RDX: variants seen among roughly 807,000 people sequenced by gnomAD.
The protein encoded by RDX is radixin.
In RDX, 32 loss-of-function variants were observed where a neutral mutation model predicts 83.7. The observed-to-expected ratio is 0.38, with a 90% CI of 0.29 to 0.51. The LOEUF (loss-of-function observed/expected upper bound fraction) is 0.51, where lower values mean the gene tolerates loss of function less well. Ranked by LOEUF, RDX falls within the 20% of genes least tolerant of loss-of-function variation. The pLI is 0.87. For missense variants in RDX, 600 were observed against 689.9 expected, an observed-to-expected ratio of 0.87 and a Z score of 1.46; for synonymous variants, 229 against 222.7, an observed-to-expected ratio of 1.03 and a Z score of -0.25.
At chr11:110,185,409 GA>G (rs1190688030) in intron 15 of RDX, 1 of 152,222 alleles carries the variant, frequency 6.6e-6, no homozygotes, top group African/African-American at 2.4e-5. Context: ...AACAATAACA[GA>G]ATGCCTTCTC....
At position 110,268,003 on chromosome 11, in the gene RDX, G is replaced by A. The variant is rs151261394; in HGVS notation, c.97-3129C>T. Among the ~76,000 whole-genome samples the A allele has an allele frequency of 2.2e-3, 333 of 151,868 alleles. 2 individuals carry two copies. Among genetic ancestry groups the A allele is most frequent in the Non-Finnish European group, 3.7e-3 (251 of 67,908 alleles). ...AATAAGAAAAAAGCATTTAGAAAATGTTACCATCAAAAAAGCAAAAAGTGG... is the reference window on the plus strand; with the variant it reads ...AATAAGAAAAAAGCATTTAGAAAATATTACCATCAAAAAAGCAAAAAGTGG... On this transcript the variant is annotated intron_variant, in intron 3 of 13. Transcript: ENST00000645495.
At chr11:110,250,950 AT>A (rs1859312017) in intron 9 of RDX, among the ~76,000 whole-genome samples, 2 of 152,078 alleles carry the variant, frequency 1.3e-5, no homozygotes, top group Admixed American at 6.6e-5. Context: ...ATGAAACCAG[AT>A]CTTGCTGCTC....
downstream of RDX, among the ~76,000 whole-genome samples, chr11:110,226,275 A>G (rs190804791): frequency 6.6e-6 from 1 of 152,326 alleles, no homozygotes; most frequent in East Asian, 1.9e-4. Context: ...GTATATGCAT[A>G]CAATGGAATA....
intron 5 of RDX, 26 bp from the exon 6 acceptor site, chr11:110,258,215 ATT>A: frequency 7.3e-6 from 10 of 1,367,938 alleles, no homozygotes; most frequent in Non-Finnish European, 1.0e-5. Context: ...AAAAAAAAAA[ATT>A]ATAATGACTT....
At position 110,277,078 on chromosome 11, in the gene RDX, C is replaced by T. The variant is rs563352419; in HGVS notation, c.12+2603G>A. Reference sequence around the variant, plus strand: ...ACTTATCTAGCTTCAAGAGTGTTTTCTCCACAAGGCAAGTTCTATACTTCC... The same window carrying T: ...ACTTATCTAGCTTCAAGAGTGTTTTTTCCACAAGGCAAGTTCTATACTTCC... On this transcript the variant is annotated intron_variant, in intron 2 of 13. Transcript: ENST00000645495. Among the ~76,000 whole-genome samples the T allele has an allele frequency of 3.9e-4, 59 of 152,318 alleles. 1 individual carries two copies. In the South Asian group the frequency reaches 0.011, roughly 29 times the overall value.
intron 14 of RDX, among the ~76,000 whole-genome samples, chr11:110,219,460 A>G (rs1367650620): frequency 6.6e-6 from 1 of 152,236 alleles, no homozygotes; most frequent in East Asian, 1.9e-4. Flanking sequence ...AAGATCTTAA[A>G]AGACTGTAAA....
chr11:110,217,328 T>C (rs1467421140), intron 14 of RDX, among the ~76,000 whole-genome samples: 1 of 152,192 alleles, frequency 6.6e-6, no homozygotes, highest in Non-Finnish European at 1.5e-5. Context: ...TATTAATTAT[T>C]CTGTTTTCCA....
intron 14 of RDX, among the ~76,000 whole-genome samples, chr11:110,202,758 T>C (rs146028645): frequency 2.0e-5 from 3 of 151,888 alleles, no homozygotes; most frequent in African/African-American, 4.8e-5. Flanking sequence ...GACATACAAA[T>C]GGCAGCAGAT....
chr11:110,184,292 T>C (rs1328585297), intron 15 of RDX, among the ~76,000 whole-genome samples: 7 of 152,206 alleles, frequency 4.6e-5, no homozygotes, highest in East Asian at 1.9e-4. Flanking sequence ...CCATGAAATA[T>C]TGGCAGAAGA....
intron 15 of RDX, among the ~76,000 whole-genome samples, chr11:110,194,126 A>G (rs1230228756): frequency 1.3e-5 from 2 of 152,262 alleles, no homozygotes; most frequent in African/African-American, 4.8e-5. Context: ...CAGATGTGGC[A>G]CAACTCTTCA....
intron 3 of RDX, among the ~76,000 whole-genome samples, chr11:110,267,170 T>C (rs955221901): frequency 2.0e-5 from 3 of 152,146 alleles, no homozygotes; most frequent in Admixed American, 6.5e-5. Context: ...TCCCAAAGTG[T>C]TGGGATTATA....
chr11:110,224,179 AAG>A (rs1022486643), intron 14 of RDX, among the ~76,000 whole-genome samples: 13 of 151,962 alleles, frequency 8.6e-5, no homozygotes, highest in African/African-American at 3.1e-4. Flanking sequence ...AATGAGCTGA[AAG>A]AGTTATTTTT....
At chr11:110,244,994 T>A (rs1278786089) in intron 10 of RDX, among the ~76,000 whole-genome samples, 1 of 149,870 alleles carries the variant, frequency 6.7e-6, no homozygotes, top group African/African-American at 2.5e-5. Context: ...AGACAGAGTC[T>A]CGCTCTGTCA....
intron 1 of RDX, chr11:110,288,454 C>T (rs570098832): frequency 1.8e-4 from 27 of 152,262 alleles, no homozygotes; most frequent in African/African-American, 6.3e-4. Context: ...TAAACATTCA[C>T]ATAAAAATGT....
At chr11:110,250,694 G>C (rs1426192853) in intron 9 of RDX, among the ~76,000 whole-genome samples, 1 of 152,132 alleles carries the variant, frequency 6.6e-6, no homozygotes, top group Admixed American at 6.6e-5. Context: ...AAGTTGGGAG[G>C]GGGTGGGGAA....
At chr11:110,220,397 G>A (rs973780999) in intron 14 of RDX, among the ~76,000 whole-genome samples, 2 of 152,156 alleles carry the variant, frequency 1.3e-5, no homozygotes, top group Non-Finnish European at 2.9e-5. Flanking sequence ...AGGCTCAAAT[G>A]GCCAAGTGGA....
At chr11:110,284,962 T>C (rs1203268605) in intron 1 of RDX, among the ~76,000 whole-genome samples, 1 of 152,256 alleles carries the variant, frequency 6.6e-6, no homozygotes, top group African/African-American at 2.4e-5. Context: ...CTTATACATA[T>C]CTTTCATTAG....
intron 3 of RDX, among the ~76,000 whole-genome samples, chr11:110,266,595 T>C (rs1860061021): frequency 6.6e-6 from 1 of 151,764 alleles, no homozygotes; most frequent in Non-Finnish European, 1.5e-5. Flanking sequence ...AAAGACAGGG[T>C]CTCACTCTGT....
chr11:110,244,363 CA>C (rs71053874), intron 10 of RDX, among the ~76,000 whole-genome samples: 13,246 of 50,014 alleles, frequency 0.26, 220 homozygotes, highest in Non-Finnish European at 0.29. Flanking sequence ...GATTCTGGCT[CA>C]AAAAAAAAAA....
Sources: gnomAD v4.1 joint callset for allele counts (sites outside exome capture counted in the v4.1 genomes callset) on GRCh38, gnomAD v4.1.1 for gene constraint, MANE v1.5 for transcripts, NCBI Gene and HGNC (gene_info 2026-07-23, HGNC 2026-07-21) for gene names.